NELL2: variants seen among roughly 807,000 people sequenced by gnomAD.
NELL2 encodes the protein protein kinase C-binding protein NELL2.
Under a neutral mutation model 109.6 loss-of-function variants are expected in NELL2, and 41 were observed. That is an observed-to-expected ratio of 0.37 (90% confidence interval 0.29 to 0.49). The LOEUF is 0.49. NELL2 is among the 20% of genes least tolerant of loss of function. The probability of loss-of-function intolerance (pLI) is 0.98; values close to 1 mark genes in which losing one functional copy is unlikely to be tolerated. For synonymous variants in NELL2, 355 were observed against 344.7 expected, an observed-to-expected ratio of 1.03 and a Z score of -0.33; for missense variants, 900 against 1,008.3, an observed-to-expected ratio of 0.89 and a Z score of 1.45.
At chr12:44,530,673 G>A (rs1199983800) in intron 16 of NELL2, among the ~76,000 whole-genome samples, 1 of 152,118 alleles carries the variant, frequency 6.6e-6, no homozygotes, top group African/African-American at 2.4e-5. Context: ...CTTGCTTTAG[G>A]GGAAGCAAGC....
Position 44,779,915 on chromosome 12 carries a change from T to G in NELL2, c.443A>C (p.Asp148Ala). The change falls in exon 4 of 20, where the codon GAC (aspartate) becomes GCC (alanine). Residue 148 changes from aspartate to alanine, a missense_variant. Asp to Ala is a moderately radical substitution (Grantham distance 126). Coordinates refer to ENST00000429094, the MANE Select transcript of NELL2 (RefSeq NM_001145108.2). ...TEVFPYILAD[D>A]KWHKLSLAIS... Reference sequence around the variant, plus strand: ...GGCTAAGGAGAGCTTGTGCCACTTGTCATCAGCCAAAATGTAAGGAAACAC... The same window carrying G: ...GGCTAAGGAGAGCTTGTGCCACTTGGCATCAGCCAAAATGTAAGGAAACAC... 1 of 1,613,964 alleles carries G rather than the reference T, an allele frequency of 6.2e-7. No homozygotes were observed. The highest frequency in any genetic ancestry group is 1.3e-5 in the African/African-American group (1 of 75,030).
chr12:44,805,316 A>G (rs986364604), intron 3 of NELL2, among the ~76,000 whole-genome samples: 27 of 152,100 alleles, frequency 1.8e-4, no homozygotes, highest in African/African-American at 5.8e-4. Context: ...GGAAGAACAA[A>G]GAGACTTGAG....
intron 13 of NELL2, among the ~76,000 whole-genome samples, chr12:44,649,133 C>T (rs1340154912): frequency 6.6e-6 from 1 of 151,986 alleles, no homozygotes; most frequent in Non-Finnish European, 1.5e-5. Flanking sequence ...CATAGAACCA[C>T]ACACCAACCA....
At chr12:44,694,520 A>AACACACACACACACACAC (rs60024794) in intron 12 of NELL2, among the ~76,000 whole-genome samples, 1 of 144,304 alleles carries the variant, frequency 6.9e-6, no homozygotes. Context: ...CACACATACA[A>AACACACACACACACACAC]ACACACACAC....
chr12:44,618,719 G>T (rs7967221), intron 13 of NELL2, among the ~76,000 whole-genome samples: 1 of 151,944 alleles, frequency 6.6e-6, no homozygotes, highest in African/African-American at 2.4e-5. Flanking sequence ...CTGGTGATAC[G>T]AATAGATAAC....
At chr12:44,904,062 TAAAA>T (rs1190466293) in intron 1 of NELL2, among the ~76,000 whole-genome samples, 2 of 151,728 alleles carry the variant, frequency 1.3e-5, no homozygotes, top group East Asian at 3.9e-4. Context: ...AATTAAATTT[TAAAA>T]AAACTTAGAA....
At chr12:44,547,634 G>C (rs1452998080) in intron 15 of NELL2, among the ~76,000 whole-genome samples, 1 of 152,034 alleles carries the variant, frequency 6.6e-6, no homozygotes, top group African/African-American at 2.4e-5. Flanking sequence ...ATATATCAGA[G>C]TTGATGAATA....
chr12:44,846,093 T>C (rs1292239467), intron 2 of NELL2, among the ~76,000 whole-genome samples: 1 of 152,206 alleles, frequency 6.6e-6, no homozygotes, highest in East Asian at 1.9e-4. Flanking sequence ...GACTAATGAT[T>C]GGAGTACATC....
chr12:44,753,874 C>T (rs760939129), intron 9 of NELL2, among the ~76,000 whole-genome samples: 2 of 152,048 alleles, frequency 1.3e-5, no homozygotes, highest in Non-Finnish European at 2.9e-5. Flanking sequence ...TTAAAATTTC[C>T]CCTAATGAAT....
At chr12:44,763,454 T>A (rs908945111) in intron 9 of NELL2, among the ~76,000 whole-genome samples, 6 of 152,176 alleles carry the variant, frequency 3.9e-5, no homozygotes, top group South Asian at 2.1e-4. Context: ...AATAAAGGAT[T>A]AGCCTCCTAA....
chr12:44,835,276 A>T (rs1944018731), intron 2 of NELL2, among the ~76,000 whole-genome samples: 1 of 152,218 alleles, frequency 6.6e-6, no homozygotes, highest in Non-Finnish European at 1.5e-5. Context: ...GACAGCCAAC[A>T]GGAAGGCAGA....
At chr12:44,560,732 A>G (rs1943441019) in intron 15 of NELL2, among the ~76,000 whole-genome samples, 1 of 152,226 alleles carries the variant, frequency 6.6e-6, no homozygotes. Context: ...ATGAATTTAC[A>G]GCCGAATTCT....
At chr12:44,912,814 A>T (rs915923312) in intron 1 of NELL2, among the ~76,000 whole-genome samples, 2 of 152,208 alleles carry the variant, frequency 1.3e-5, no homozygotes, top group Non-Finnish European at 2.9e-5. Context: ...TACAGGATTC[A>T]AGTTCATCAC....
intron 1 of NELL2, among the ~76,000 whole-genome samples, chr12:44,913,461 A>G (rs1351659456): frequency 6.6e-6 from 1 of 152,164 alleles, no homozygotes; most frequent in Non-Finnish European, 1.5e-5. Context: ...AAGTTATCTA[A>G]AAAATCAGCT....
At chr12:44,773,366 C>T (rs979904147) in intron 9 of NELL2, among the ~76,000 whole-genome samples, 4 of 152,002 alleles carry the variant, frequency 2.6e-5, no homozygotes, top group African/African-American at 4.8e-5. Flanking sequence ...GTCCCGACTA[C>T]TCAGGAGGCT....
chr12:44,689,418 A>C (rs892413578), intron 12 of NELL2, among the ~76,000 whole-genome samples: 1 of 152,238 alleles, frequency 6.6e-6, no homozygotes, highest in Non-Finnish European at 1.5e-5. Context: ...TTTAGCCCAT[A>C]GGTTCTTCAG....
Position 44,816,016 on chromosome 12 carries a change from A to C in NELL2, c.305T>G (p.Val102Gly). The change falls in exon 3 of 20, where the codon GTT becomes GGT. Residue 102 changes from valine (V) to glycine (G), a missense_variant. By Grantham distance (109) the Val-to-Gly change is moderately radical. Around this residue, in one of 4 missense-constraint regions of NELL2, gnomAD observed 200 missense variants for 191.8 expected, o/e 1.04. Transcript: ENST00000429094. ...ATCCAAGTGGTGAATTGAGAGAATA[A>C]CTCCTGAATTTAAGTGGGTCTGTTT... ...TLKQTHLNSG[V>G]ILSIHHLDHR... The C allele has an allele frequency of 6.2e-7, 1 of 1,612,054 alleles. No individual in the cohort carries two copies. Among genetic ancestry groups the C allele is most frequent in the African/African-American group, 1.3e-5 (1 of 74,894 alleles).
chr12:44,742,687 G>C (rs558620427), intron 9 of NELL2, among the ~76,000 whole-genome samples: 1 of 152,192 alleles, frequency 6.6e-6, no homozygotes, highest in South Asian at 2.1e-4. Flanking sequence ...CGATCAACTG[G>C]AAGAAAGGGT....
upstream of NELL2, chr12:44,913,948 CTT>C (rs1945806485): frequency 5.4e-6 from 2 of 367,636 alleles, no homozygotes; most frequent in Non-Finnish European, 5.0e-6. Context: ...GGCCAAAAAC[CTT>C]GGAGTCATTT....
Sources: gnomAD v4.1 joint callset for allele counts (sites outside exome capture counted in the v4.1 genomes callset) on GRCh38, gnomAD v4.1.1 for gene constraint, gnomAD v4.1.1 regional missense constraint, MANE v1.5 for transcripts, NCBI Gene and HGNC (gene_info 2026-07-23, HGNC 2026-07-21) for gene names.